PEAK1: variants seen among roughly 807,000 people sequenced by gnomAD.
PEAK1 encodes the protein pseudopodium enriched atypical kinase 1.
A neutral mutation model predicts 124.7 loss-of-function variants in PEAK1; 54 were observed. The observed-to-expected ratio is 0.43, with a 90% CI of 0.35 to 0.54. The LOEUF is 0.54. Among genes scored for constraint, PEAK1 ranks in the 20% least tolerant of loss-of-function variants. The probability of loss-of-function intolerance (pLI) is 0.01; values close to 1 mark genes in which losing one functional copy is unlikely to be tolerated. For synonymous variants in PEAK1, 719 were observed against 760.0 expected, an observed-to-expected ratio of 0.95 and a Z score of 0.89; for missense variants, 2,046 against 2,134.5, an observed-to-expected ratio of 0.96 and a Z score of 0.82.
At chr15:77,410,040 T>TTTTTG (rs1188158895) in intron 1 of PEAK1, among the ~76,000 whole-genome samples, 1 of 151,734 alleles carries the variant, frequency 6.6e-6, no homozygotes, top group African/African-American at 2.4e-5. Flanking sequence ...AATCGTGGTT[T>TTTTTG]TTTTGTTTTG....
At chr15:77,182,823 G>T (rs565271063) in intron 6 of PEAK1, among the ~76,000 whole-genome samples, 18 of 145,318 alleles carry the variant, frequency 1.2e-4, no homozygotes, top group Admixed American at 1.1e-3. Flanking sequence ...GGCTTTTAAA[G>T]ATTATAGAGT....
chr15:77,322,963 G>A (rs2065324638), intron 2 of PEAK1, among the ~76,000 whole-genome samples: 1 of 151,830 alleles, frequency 6.6e-6, no homozygotes, highest in Admixed American at 6.6e-5. Flanking sequence ...TCCCTGGGAT[G>A]CAAGGCTGGT....
chr15:77,158,258 G>T, intron 8 of PEAK1: 1 of 446,188 alleles, frequency 2.2e-6, no homozygotes, highest in Non-Finnish European at 4.0e-6. Flanking sequence ...TTTCCCCCCA[G>T]GTGAGTCCCT....
intron 7 of PEAK1, among the ~76,000 whole-genome samples, chr15:77,175,733 C>T (rs151245866): frequency 6.6e-6 from 1 of 152,206 alleles, no homozygotes; most frequent in Admixed American, 6.5e-5. Flanking sequence ...TACCATTTAA[C>T]CCAGCCATCC....
At chr15:77,185,415 C>A (rs2057492991) in intron 6 of PEAK1, among the ~76,000 whole-genome samples, 1 of 152,150 alleles carries the variant, frequency 6.6e-6, no homozygotes, top group African/African-American at 2.4e-5. Flanking sequence ...TACTTCCTCT[C>A]CCCTAACTGA....
At chr15:77,183,808 A>G (rs1011203364) in intron 6 of PEAK1, among the ~76,000 whole-genome samples, 1 of 152,114 alleles carries the variant, frequency 6.6e-6, no homozygotes, top group South Asian at 2.1e-4. Context: ...TTGAGCAGAC[A>G]CTTAACCAAA....
intron 8 of PEAK1, among the ~76,000 whole-genome samples, chr15:77,138,906 A>T (rs187991142): frequency 6.6e-6 from 1 of 152,262 alleles, no homozygotes; most frequent in East Asian, 1.9e-4. Flanking sequence ...TTTATGCTAC[A>T]AATCTTTCCC....
chr15:77,244,090 T>C (rs1356266070), intron 6 of PEAK1, among the ~76,000 whole-genome samples: 1 of 152,116 alleles, frequency 6.6e-6, no homozygotes, highest in African/African-American at 2.4e-5. Context: ...ATGAAAAAAA[T>C]TATCTTTCAT....
chr15:77,380,731 AG>A (rs1401637456), intron 1 of PEAK1, among the ~76,000 whole-genome samples: 8 of 152,130 alleles, frequency 5.3e-5, no homozygotes, highest in Admixed American at 2.0e-4. Flanking sequence ...CATCCACCTC[AG>A]CCTCCCAAAT....
At chr15:77,240,292 T>C (rs551708145) in intron 6 of PEAK1, among the ~76,000 whole-genome samples, 1 of 152,308 alleles carries the variant, frequency 6.6e-6, no homozygotes, top group East Asian at 1.9e-4. Flanking sequence ...TATTTCAACA[T>C]TAGAGAAAAA....
chr15:77,311,179 C>G (rs940871850), intron 2 of PEAK1, among the ~76,000 whole-genome samples: 1 of 152,142 alleles, frequency 6.6e-6, no homozygotes, highest in African/African-American at 2.4e-5. Context: ...TAGATGAATT[C>G]AAGAGGCATC....
intron 5 of PEAK1, among the ~76,000 whole-genome samples, chr15:77,257,858 C>T (rs370242896): frequency 1.3e-5 from 2 of 152,014 alleles, no homozygotes; most frequent in African/African-American, 2.4e-5. Flanking sequence ...TTTATGGTTT[C>T]AGGTCTAACG....
intron 2 of PEAK1, chr15:77,336,188 A>C (rs1169402520): frequency 2.0e-6 from 2 of 985,310 alleles, no homozygotes; most frequent in Non-Finnish European, 1.2e-6. Context: ...ACAACCACAG[A>C]GCTTCAGGGG....
At chr15:77,138,969 C>T (rs1264286057) in intron 8 of PEAK1, among the ~76,000 whole-genome samples, 2 of 151,400 alleles carry the variant, frequency 1.3e-5, no homozygotes, top group East Asian at 3.9e-4. Context: ...AACGAAGACA[C>T]AAACACACAT....
intron 1 of PEAK1, among the ~76,000 whole-genome samples, chr15:77,406,163 C>A (rs2071799729): frequency 6.6e-6 from 1 of 152,120 alleles, no homozygotes; most frequent in Non-Finnish European, 1.5e-5. Flanking sequence ...ACTTCAGGAA[C>A]AATAGCTGAA....
chr15:77,154,833 TAG>T (rs1490270217), intron 8 of PEAK1, among the ~76,000 whole-genome samples: 2 of 152,066 alleles, frequency 1.3e-5, no homozygotes, highest in African/African-American at 2.4e-5. Context: ...TTCTGGCTTG[TAG>T]AGTTTCTGCC....
intron 5 of PEAK1, among the ~76,000 whole-genome samples, chr15:77,268,218 T>A (rs1005007535): frequency 6.6e-6 from 1 of 152,190 alleles, no homozygotes; most frequent in Non-Finnish European, 1.5e-5. Flanking sequence ...CTCACGCCTA[T>A]AAGCCCAGCA....
chr15:77,374,309 T>C lies in PEAK1; in HGVS notation c.-665-9084A>G, dbSNP rs557047693. On this transcript the variant is annotated intron_variant, in intron 1 of 9. Transcript: ENST00000682557. ...TTCAGATACTTCTAATTAGTTTTAC[T>C]AGGTATATTAATTATAAACAGAATA... 1.6e-3 allele frequency among the ~76,000 whole-genome samples: 249 copies of C among 152,302 alleles called. 1 individual carries two copies. The highest frequency in any genetic ancestry group is 5.8e-3 in the African/African-American group (240 of 41,564).
chr15:77,292,144 T>G (rs771605010), intron 2 of PEAK1, among the ~76,000 whole-genome samples: 2 of 152,174 alleles, frequency 1.3e-5, no homozygotes, highest in Non-Finnish European at 2.9e-5. Context: ...GTAGTTATGG[T>G]CCATTAAATT....
Sources: allele counts gnomAD v4.1 joint callset (sites outside exome capture counted in the v4.1 genomes callset), GRCh38; gene constraint gnomAD v4.1.1; transcripts MANE v1.5; gene names NCBI Gene and HGNC (gene_info 2026-07-23, HGNC 2026-07-21).